The following STK32B variants were observed in gnomAD, a reference collection of about 807,000 sequenced individuals.
STK32B encodes serine/threonine-protein kinase 32B.
STK32B carries 43 observed loss-of-function variants against 52.6 expected under a neutral mutation model. That is an observed-to-expected ratio of 0.82 (90% CI 0.64 to 1.05). The LOEUF is 1.05. STK32B is among the 50% of genes least tolerant of loss of function. STK32B has a pLI of 0.00. For synonymous variants in STK32B, 238 were observed against 204.3 expected, an observed-to-expected ratio of 1.17 and a Z score of -1.41; for missense variants, 621 against 534.6, an observed-to-expected ratio of 1.16 and a Z score of -1.59.
chr4:5,279,839 A>G (rs1222153401), intron 3 of STK32B, among the ~76,000 whole-genome samples: 1 of 152,186 alleles, frequency 6.6e-6, no homozygotes, highest in Non-Finnish European at 1.5e-5. Context: ...CCCAAGCTGT[A>G]CCTTTGCCCC....
chr4:5,442,461 A>C (rs1355526801), intron 6 of STK32B, among the ~76,000 whole-genome samples: 2 of 151,098 alleles, frequency 1.3e-5, no homozygotes, highest in Non-Finnish European at 2.9e-5. Context: ...GGCTTGGTAG[A>C]TCTTCCTCCA....
intron 3 of STK32B, among the ~76,000 whole-genome samples, chr4:5,182,484 C>T (rs1038569613): frequency 5.9e-5 from 9 of 151,508 alleles, no homozygotes; most frequent in African/African-American, 2.2e-4. Flanking sequence ...TTTTTTGAGA[C>T]AGAGTCTCGC....
chr4:5,189,126 T>G (rs566206116), intron 3 of STK32B, among the ~76,000 whole-genome samples: 1 of 152,222 alleles, frequency 6.6e-6, no homozygotes, highest in Admixed American at 6.5e-5. Context: ...AGTGGTATAA[T>G]TTTTACCTTT....
rs372080812 is a variant in STK32B, at chr4:5,168,371, G to C, written c.181G>C (p.Glu61Gln). 34 of 1,613,804 alleles carry C rather than the reference G, an allele frequency of 2.1e-5. No homozygotes were observed. In the Middle Eastern group the frequency reaches 4.9e-4, roughly 23 times the overall value. Reference sequence around the variant, plus strand: ...GTACATGAACAAGCAGAAGTGCATCGAGAGGGATGAGGTTCGGAATGTTTT... The same window carrying C: ...GTACATGAACAAGCAGAAGTGCATCCAGAGGGATGAGGTTCGGAATGTTTT... ...MKYMNKQKCI[E>Q]RDEVRNVFRE... The change falls in exon 3 of 12, where the codon GAG becomes CAG. Residue 61 changes from glutamate to glutamine, a missense_variant. By Grantham distance (29) the Glu-to-Gln change is conservative (BLOSUM62 2). Transcript: ENST00000282908.
intron 1 of STK32B, among the ~76,000 whole-genome samples, chr4:5,098,210 A>G (rs1262701168): frequency 1.3e-5 from 2 of 152,224 alleles, no homozygotes; most frequent in Non-Finnish European, 2.9e-5. Flanking sequence ...AGGGTGTGGT[A>G]TGGAAAGCAG....
rs974686721 is a variant in STK32B, at chr4:5,318,237, G to T, written c.261-12983G>T. Among the ~76,000 whole-genome samples, 16 of 152,220 alleles carry T rather than the reference G, an allele frequency of 1.1e-4. No individual in the cohort carries two copies. In the East Asian group the frequency reaches 3.1e-3, roughly 29 times the overall value. ...TGTAGGGATAAATGTTATGAAGAGA[G>T]GTTTATAGGGGCTTAGAAAAAATTT... On this transcript the variant is annotated intron_variant, in intron 3 of 11. Transcript: ENST00000282908.
At chr4:5,143,099 GTC>G (rs759706664) in intron 2 of STK32B, among the ~76,000 whole-genome samples, 3 of 112,698 alleles carry the variant, frequency 2.7e-5, no homozygotes, top group African/African-American at 5.8e-5. Context: ...TTCTGTCTCT[GTC>G]TCTGTCTGTC....
rs1737113034 is a variant in STK32B, at chr4:5,399,088, T to C, written c.472+844T>C. ...AGCCTAGGGCTCAGATCAAGAATGC[T>C]CAGTGGACTTGACAATCAATTGTGG... is the stretch of plus-strand genomic sequence containing the variant. On this transcript the variant is annotated intron_variant, in intron 5 of 11. Transcript: ENST00000282908. This position sits in a 1 kb window ranked among gnomAD's most constrained non-coding sequence, Gnocchi z 5.4. Among the ~76,000 whole-genome samples, 2 of 152,200 alleles carry C rather than the reference T, an allele frequency of 1.3e-5. No individual in the cohort carries two copies. The highest frequency in any genetic ancestry group is 1.3e-4 in the Admixed American group (2 of 15,288).
chr4:5,238,082 G>C lies in STK32B; in HGVS notation c.260+69632G>C, dbSNP rs541762941. Among the ~76,000 whole-genome samples the C allele has an allele frequency of 7.9e-5, 12 of 152,282 alleles. No individual in the cohort carries two copies. In the South Asian group the frequency reaches 2.5e-3, roughly 32 times the overall value. ...TGATTCTTTGATGAACACGTAGGAA[G>C]CATAAAAAGTTGTATTTGTTTCCTA... On this transcript the variant is annotated intron_variant, in intron 3 of 11. Transcript: ENST00000282908.
intron 1 of STK32B, among the ~76,000 whole-genome samples, chr4:5,132,004 G>C (rs190808429): frequency 1.5e-4 from 23 of 152,326 alleles, no homozygotes; most frequent in African/African-American, 5.3e-4. Context: ...AATGTAATCA[G>C]AGTCCTCATA....
intron 3 of STK32B, among the ~76,000 whole-genome samples, chr4:5,253,706 G>A (rs1726105529): frequency 6.6e-6 from 1 of 152,024 alleles, no homozygotes; most frequent in African/African-American, 2.4e-5. Context: ...GAAGGAAAAG[G>A]TCTGGAGATC....
intron 3 of STK32B, among the ~76,000 whole-genome samples, chr4:5,239,171 G>A (rs1004959223): frequency 1.3e-5 from 2 of 152,232 alleles, no homozygotes; most frequent in African/African-American, 4.8e-5. Flanking sequence ...AGGAGAAGGG[G>A]GACAGGAGAC....
At chr4:5,226,888 G>A (rs920026487) in intron 3 of STK32B, among the ~76,000 whole-genome samples, 1 of 152,130 alleles carries the variant, frequency 6.6e-6, no homozygotes, top group South Asian at 2.1e-4. Flanking sequence ...CCGTGGATAA[G>A]GTGGGACTAC....
intron 3 of STK32B, among the ~76,000 whole-genome samples, chr4:5,261,163 A>G (rs1441187258): frequency 6.6e-6 from 1 of 152,110 alleles, no homozygotes; most frequent in African/African-American, 2.4e-5. Flanking sequence ...GTAGCACATC[A>G]TGACATCCTT....
chr4:5,154,211 C>CTTTT (rs3072774), intron 2 of STK32B, among the ~76,000 whole-genome samples: 3 of 122,610 alleles, frequency 2.4e-5, no homozygotes, highest in African/African-American at 3.2e-5. Flanking sequence ...CCTTCCATGT[C>CTTTT]TTTTTTTTTT....
At chr4:5,138,229 C>G (rs1716192830) in intron 1 of STK32B, among the ~76,000 whole-genome samples, 1 of 152,206 alleles carries the variant, frequency 6.6e-6, no homozygotes, top group Non-Finnish European at 1.5e-5. Flanking sequence ...GCACGTTAGG[C>G]ATTCGACCTC....
chr4:5,389,383 T>G lies in STK32B; in HGVS notation c.435-8824T>G, dbSNP rs73093872. Among the ~76,000 whole-genome samples, 1,059 of 152,322 alleles carry G rather than the reference T, an allele frequency of 7.0e-3. 11 individuals carry two copies. The highest frequency in any genetic ancestry group is 0.023 in the African/African-American group (976 of 41,570). On this transcript the variant is annotated intron_variant, in intron 4 of 11. Transcript: ENST00000282908. ...ATCTTACGGTTCTGAAAGCTGGAAG[T>G]CCAGGATAAGGGTGCCAGCAGGTTT...
chr4:5,151,591 G>A (rs1717368259), intron 2 of STK32B, among the ~76,000 whole-genome samples: 1 of 152,196 alleles, frequency 6.6e-6, no homozygotes, highest in African/African-American at 2.4e-5. Flanking sequence ...GCAATCCATT[G>A]ATTTTTAGCA....
intron 3 of STK32B, among the ~76,000 whole-genome samples, chr4:5,298,757 C>T (rs1476513638): frequency 6.6e-6 from 1 of 151,840 alleles, no homozygotes; most frequent in African/African-American, 2.4e-5. Flanking sequence ...AGCAAGACCA[C>T]TTGGCTCCCT....
Sources: gnomAD v4.1 joint callset for allele counts (sites outside exome capture counted in the v4.1 genomes callset) on GRCh38, gnomAD v4.1.1 for gene constraint, Gnocchi (gnomAD v3.1) non-coding constraint, MANE v1.5 for transcripts, NCBI Gene and HGNC (gene_info 2026-07-23, HGNC 2026-07-21) for gene names.